MTRF1: variants seen among roughly 807,000 people sequenced by gnomAD.
MTRF1 encodes the protein mitochondrial translation release factor 1.
MTRF1 carries 51 observed loss-of-function variants against 62.9 expected under a neutral mutation model. That is an observed-to-expected ratio of 0.81 (90% CI 0.65 to 1.02). The LOEUF is 1.02. Ranked by LOEUF, MTRF1 falls within the 50% of genes least tolerant of loss-of-function variation. The probability of loss-of-function intolerance (pLI) is 0.00; values close to 1 mark genes in which losing one functional copy is unlikely to be tolerated. For missense variants in MTRF1, 446 were observed against 530.0 expected (o/e 0.84, Z 1.56); for synonymous variants, 158 against 181.9 (o/e 0.87, Z 1.06).
chr13:41,237,218 C>CAA (rs11412273), intron 6 of MTRF1, among the ~76,000 whole-genome samples: 31,402 of 63,502 alleles, frequency 0.49, 7,774 homozygotes, highest in South Asian at 0.6. Flanking sequence ...GAATCTGTCT[C>CAA]AAAAAAAAAA....
At chr13:41,298,833 G>GAA in the MTRF1 span, among the ~76,000 whole-genome samples, 2 of 152,180 alleles carry the variant, frequency 1.3e-5, no homozygotes. Context: ...AACAGCGGAA[G>GAA]AAGGAGGAAG....
chr13:41,218,299 T>C (rs879490641), intron 9 of MTRF1, among the ~76,000 whole-genome samples: 17,275 of 64,978 alleles, frequency 0.27, 1,414 homozygotes, highest in Non-Finnish European at 0.35. Context: ...TTTTTTTTTT[T>C]TTTTTTTTTT....
chr13:41,261,228 G>C (rs2040419273), intron 1 of MTRF1: 1 of 200,320 alleles, frequency 5.0e-6, no homozygotes. Flanking sequence ...CAGCTACTCA[G>C]GAGTCTGAGG....
intron 6 of MTRF1, among the ~76,000 whole-genome samples, chr13:41,238,177 A>G (rs2036968308): frequency 6.6e-6 from 1 of 152,192 alleles, no homozygotes; most frequent in African/African-American, 2.4e-5. Flanking sequence ...TACATTCCCC[A>G]CTAAAATGAA....
intron 5 of MTRF1, among the ~76,000 whole-genome samples, chr13:41,249,901 A>T (rs970964756): frequency 6.6e-6 from 1 of 151,770 alleles, no homozygotes; most frequent in Non-Finnish European, 1.5e-5. Flanking sequence ...GGCATGAGCC[A>T]CCACACCCAG....
the MTRF1 span, chr13:41,311,255 G>C: frequency 1.9e-6 from 1 of 529,256 alleles, no homozygotes; most frequent in Non-Finnish European, 3.3e-6. Flanking sequence ...GGCGGACCCT[G>C]GCTGCCATCT....
chr13:41,241,826 G>C (rs2037536963), intron 5 of MTRF1, among the ~76,000 whole-genome samples: 1 of 152,210 alleles, frequency 6.6e-6, no homozygotes, highest in South Asian at 2.1e-4. Context: ...TAGGCAGCTG[G>C]ATGCAGACAC....
In MTRF1 at chr13:41,241,909, A is replaced by G. The variant is rs74629918; in HGVS notation, c.698-1476T>C. ...ACGGTGTCTGGATGTCTCTCTTTTT[A>G]CAGTCTTGACAGGCTTTGACACTGA... On this transcript the variant is annotated intron_variant, in intron 5 of 9. Coordinates refer to ENST00000379480, the MANE Select transcript of MTRF1 (RefSeq NM_004294.4). Among the ~76,000 whole-genome samples, 1,273 of 152,334 alleles carry G rather than the reference A, an allele frequency of 8.4e-3. 21 individuals are homozygous for G. The highest frequency in any genetic ancestry group is 0.029 in the African/African-American group (1,204 of 41,580).
At chr13:41,276,032 G>A in the MTRF1 span, among the ~76,000 whole-genome samples, 1 of 152,104 alleles carries the variant, frequency 6.6e-6, no homozygotes, top group South Asian at 2.1e-4. Context: ...ACAACTTATA[G>A]GAGTTGTAAA....
rs374261587 is a variant in MTRF1, at chr13:41,260,488, C to A, written c.415+5G>T. ...ATGCAGGACACATAAGTATCTTTTA[C>A]CTACTTTTACACATTGATTCTAATT... On this transcript the variant is annotated splice_donor_5th_base_variant and intron_variant, in intron 2 of 9. Transcript: ENST00000379480. 10 of 1,606,300 alleles carry A rather than the reference C, an allele frequency of 6.2e-6. No homozygotes were observed. The African/African-American group carries it at 1.2e-4, about 19-fold the overall frequency.
At chr13:41,222,395 C>T (rs2033576952) in intron 9 of MTRF1, among the ~76,000 whole-genome samples, 1 of 152,148 alleles carries the variant, frequency 6.6e-6, no homozygotes, top group South Asian at 2.1e-4. Context: ...AATGAAGACA[C>T]ATTGTGGTAG....
At chr13:41,255,645 T>C (rs931538418) in intron 2 of MTRF1, among the ~76,000 whole-genome samples, 22 of 152,128 alleles carry the variant, frequency 1.4e-4, no homozygotes, top group Admixed American at 3.3e-4. Context: ...TGAGCCAAGG[T>C]CATGCCACTG....
At chr13:41,252,922 T>C in intron 4 of MTRF1, 27 bp downstream of exon 4, 1 of 1,530,532 alleles carries the variant, frequency 6.5e-7, no homozygotes, top group Non-Finnish European at 9.0e-7. Flanking sequence ...TTTTAGATCA[T>C]TTAAATAATA....
the MTRF1 span, among the ~76,000 whole-genome samples, chr13:41,296,604 G>A: frequency 1.3e-5 from 2 of 152,030 alleles, no homozygotes; most frequent in African/African-American, 4.8e-5. Context: ...TCTTCTCTCA[G>A]TTACATTTAT....
At chr13:41,311,149 C>G in the MTRF1 span, 2 of 346,520 alleles carry the variant, frequency 5.8e-6, no homozygotes, top group African/African-American at 4.4e-5. Context: ...CAGCACAAGG[C>G]AAATCCACGC....
At chr13:41,307,673 A>G in the MTRF1 span, among the ~76,000 whole-genome samples, 652 of 151,568 alleles carry the variant, frequency 4.3e-3, 6 homozygotes, top group African/African-American at 0.015. Context: ...TGCTCCAGCC[A>G]TGTAGGATGT....
At chr13:41,252,336 A>C (rs2039177526) in intron 5 of MTRF1, 1 of 180,512 alleles carries the variant, frequency 5.5e-6, no homozygotes, top group African/African-American at 2.3e-5. Flanking sequence ...AAAAACCTTA[A>C]TATACCTTTG....
At chr13:41,308,841 C>G in the MTRF1 span, among the ~76,000 whole-genome samples, 2 of 151,988 alleles carry the variant, frequency 1.3e-5, no homozygotes, top group African/African-American at 4.8e-5. Context: ...AGCATAATAC[C>G]CTATAGGTAG....
chr13:41,220,984 G>A (rs1566056548), intron 9 of MTRF1, among the ~76,000 whole-genome samples: 1 of 152,042 alleles, frequency 6.6e-6, no homozygotes, highest in Non-Finnish European at 1.5e-5. Context: ...CTGTGGATGT[G>A]GTACGAAGGG....
Sources: allele counts gnomAD v4.1 joint callset (sites outside exome capture counted in the v4.1 genomes callset), GRCh38; gene constraint gnomAD v4.1.1; transcripts MANE v1.5; gene names NCBI Gene and HGNC (gene_info 2026-07-23, HGNC 2026-07-21).